Variants in JAK1 observed in about 807,000 individuals in gnomAD.
JAK1 encodes the protein tyrosine-protein kinase JAK1.
A neutral mutation model predicts 136.6 loss-of-function variants in JAK1; 16 were observed. That is an observed-to-expected ratio of 0.12 (90% CI 0.08 to 0.18). JAK1 has a LOEUF of 0.18. Ranked by LOEUF, JAK1 falls within the 10% of genes least tolerant of loss-of-function variation. The pLI, the probability that JAK1 is intolerant of heterozygous loss-of-function variation, is 1.00. For missense variants in JAK1, 859 were observed against 1,450.1 expected (o/e 0.59, Z 6.62); for synonymous variants, 492 against 519.5 (o/e 0.95, Z 0.72).
At chr1:64,996,882 A>G (rs1646708898) in intron 2 of JAK1, among the ~76,000 whole-genome samples, 1 of 152,226 alleles carries the variant, frequency 6.6e-6, no homozygotes, top group Admixed American at 6.5e-5. Context: ...GCAATGATGA[A>G]CAGGAAAGAA....
At chr1:64,894,756 G>A (rs745731891) in intron 1 of JAK1, among the ~76,000 whole-genome samples, 10 of 152,036 alleles carry the variant, frequency 6.6e-5, no homozygotes, top group Non-Finnish European at 1.2e-4. Flanking sequence ...TAGCCTAGGT[G>A]TCAGAGCAAG....
At position 64,984,115 on chromosome 1, in the gene JAK1, T is replaced by C. The variant is rs1646576016; in HGVS notation, c.-78+60365A>G. ...ATTTGGCAAAATTACACTTAAAACA[T>C]AATATTTATGTAATTAAACCAGGAG... On this transcript the variant is annotated intron_variant, in intron 2 of 25. Coordinates refer to the JAK1 transcript ENST00000671954. The surrounding 1 kb of genome is among the most constrained non-coding windows in gnomAD (Gnocchi z 4.1). Among the ~76,000 whole-genome samples the C allele has an allele frequency of 6.6e-6, 1 of 152,230 alleles. No homozygotes were observed. Among genetic ancestry groups the C allele is most frequent in the Admixed American group, 6.5e-5 (1 of 15,280 alleles).
intron 1 of JAK1, among the ~76,000 whole-genome samples, chr1:64,953,022 G>A (rs1208391838): frequency 6.6e-6 from 1 of 152,130 alleles, no homozygotes; most frequent in Non-Finnish European, 1.5e-5. Context: ...CGCAGATTTG[G>A]GAGTCTAAAC....
At chr1:64,864,636 C>A (rs751054812) in intron 8 of JAK1, 151 bp downstream of exon 8, 45 of 609,092 alleles carry the variant, frequency 7.4e-5, no homozygotes, top group Non-Finnish European at 1.1e-4. Context: ...ACTGAGAATG[C>A]CTTGGTAATA....
At chr1:64,988,480 C>T (rs1385327269) in intron 2 of JAK1, among the ~76,000 whole-genome samples, 1 of 152,046 alleles carries the variant, frequency 6.6e-6, no homozygotes, top group Non-Finnish European at 1.5e-5. Context: ...CTCCTGTCCC[C>T]CCCATAGAAA....
chr1:64,995,944 G>A (rs960347779), intron 2 of JAK1, among the ~76,000 whole-genome samples: 3 of 152,056 alleles, frequency 2.0e-5, no homozygotes, highest in Non-Finnish European at 2.9e-5. Context: ...TTGCCATATT[G>A]TCTAGGCTGG....
rs566814492 is a variant in JAK1 at position 64,860,038 on chromosome 1, C to G, written c.1334+67G>C. On this transcript the variant is annotated intron_variant, in intron 9 of 24. Transcript: ENST00000342505. ...ACTGGCCTGACCTAAACAATGATGACATGCCCCATCACTAAAACACGGGCT... is the reference window on the plus strand; with the variant it reads ...ACTGGCCTGACCTAAACAATGATGAGATGCCCCATCACTAAAACACGGGCT... The G allele has an allele frequency of 6.1e-6, 8 of 1,301,786 alleles. No homozygotes were observed. The East Asian group carries it at 1.8e-4, about 29-fold the overall frequency. 80.6% of individuals were successfully genotyped at this position (1,301,786 alleles called of 1,614,324 possible).
At chr1:64,878,423 A>T (rs1481420814) in intron 4 of JAK1, among the ~76,000 whole-genome samples, 4 of 152,108 alleles carry the variant, frequency 2.6e-5, no homozygotes, top group African/African-American at 9.7e-5. Flanking sequence ...CTCAAGGAGT[A>T]GTCAAAACAT....
chr1:65,030,744 T>C (rs12123427), intron 2 of JAK1, among the ~76,000 whole-genome samples: 13,218 of 152,068 alleles, frequency 0.087, 739 homozygotes, highest in Admixed American at 0.17. Context: ...GTTGGCCAGG[T>C]TGGTCTTGAA....
At chr1:64,862,172 C>T (rs1035060696) in intron 8 of JAK1, among the ~76,000 whole-genome samples, 1 of 152,172 alleles carries the variant, frequency 6.6e-6, no homozygotes, top group Non-Finnish European at 1.5e-5. Context: ...GAGCAGTGGT[C>T]AACCCTCAGC....
At chr1:64,860,431 T>C (rs879810564) in intron 8 of JAK1, among the ~76,000 whole-genome samples, 169 bp from the exon 9 acceptor site, 7 of 116,028 alleles carry the variant, frequency 6.0e-5, no homozygotes, top group African/African-American at 2.0e-4. Flanking sequence ...TTTATTTATT[T>C]ATTTATTTAT....
At chr1:64,930,259 A>G (rs927735747) in intron 1 of JAK1, among the ~76,000 whole-genome samples, 1 of 152,228 alleles carries the variant, frequency 6.6e-6, no homozygotes, top group African/African-American at 2.4e-5. Flanking sequence ...TCCATCTGAC[A>G]AAGGGCTAAT....
chr1:65,008,456 G>C (rs1159894360), intron 2 of JAK1, among the ~76,000 whole-genome samples: 1 of 151,662 alleles, frequency 6.6e-6, no homozygotes, highest in African/African-American at 2.4e-5. Context: ...TTTTCTTTAA[G>C]AGACAGAGTC....
At chr1:64,911,063 A>G (rs1645276248) in intron 1 of JAK1, among the ~76,000 whole-genome samples, 3 of 136,930 alleles carry the variant, frequency 2.2e-5, no homozygotes, top group Admixed American at 7.8e-5. Flanking sequence ...TACCATGATA[A>G]ACAAGAAAAT....
intron 2 of JAK1, among the ~76,000 whole-genome samples, chr1:65,018,348 G>A (rs891807925): frequency 7.9e-5 from 12 of 152,018 alleles, no homozygotes; most frequent in African/African-American, 2.9e-4. Context: ...GAACAAAAAT[G>A]TGTAAAATAG....
chr1:65,064,880 A>T (rs1647971804), intron 1 of JAK1, among the ~76,000 whole-genome samples: 1 of 152,172 alleles, frequency 6.6e-6, no homozygotes, highest in Non-Finnish European at 1.5e-5. Flanking sequence ...TGACGTACAA[A>T]AACTTATGAA....
At chr1:64,838,968 A>AC (rs1460355509) in intron 20 of JAK1, among the ~76,000 whole-genome samples, 1 of 150,018 alleles carries the variant, frequency 6.7e-6, no homozygotes, top group Non-Finnish European at 1.5e-5. Context: ...ACACGGTGAA[A>AC]CCCCGTCTCT....
intron 1 of JAK1, among the ~76,000 whole-genome samples, chr1:64,951,549 T>C (rs1407683189): frequency 2.6e-5 from 4 of 151,926 alleles, no homozygotes; most frequent in Admixed American, 1.3e-4. Flanking sequence ...TTCCAGAATA[T>C]GTCGCTTCAG....
intron 1 of JAK1, among the ~76,000 whole-genome samples, chr1:65,051,160 C>T (rs1647272940): frequency 6.7e-6 from 1 of 148,230 alleles, no homozygotes; most frequent in Non-Finnish European, 1.5e-5. Context: ...ATTAGAATAG[C>T]TTGAGACCTG....
Sources: allele counts gnomAD v4.1 joint callset (sites outside exome capture counted in the v4.1 genomes callset), GRCh38; gene constraint gnomAD v4.1.1; non-coding constraint Gnocchi (gnomAD v3.1); transcripts MANE v1.5; gene names NCBI Gene and HGNC (gene_info 2026-07-23, HGNC 2026-07-21).